The following SEMA5A variants were observed in gnomAD, a reference collection of about 807,000 sequenced individuals.
The protein encoded by SEMA5A is semaphorin-5A.
Under a neutral mutation model 135.5 loss-of-function variants are expected in SEMA5A, and 55 were observed. That is an observed-to-expected ratio of 0.41 (90% CI 0.33 to 0.51). The LOEUF is 0.51. SEMA5A is among the 20% of genes least tolerant of loss of function. SEMA5A has a pLI of 0.37. For missense variants in SEMA5A, 1,290 were observed against 1,419.9 expected, an observed-to-expected ratio of 0.91 and a Z score of 1.47; for synonymous variants, 580 against 546.5, an observed-to-expected ratio of 1.06 and a Z score of -0.85.
chr5:9,195,672 A>G (rs1214164714), intron 10 of SEMA5A, among the ~76,000 whole-genome samples: 3 of 152,260 alleles, frequency 2.0e-5, no homozygotes, highest in Non-Finnish European at 4.4e-5. Context: ...GCACATGGAA[A>G]GATGACATGT....
chr5:9,201,749 CG>C (rs1745715660), intron 9 of SEMA5A, among the ~76,000 whole-genome samples: 2 of 152,190 alleles, frequency 1.3e-5, no homozygotes, highest in South Asian at 4.2e-4. Context: ...CTTGATTTGG[CG>C]TATTTTTCCT....
At chr5:9,194,744 G>A (rs1240722336) in intron 10 of SEMA5A, among the ~76,000 whole-genome samples, 1 of 152,192 alleles carries the variant, frequency 6.6e-6, no homozygotes, top group Admixed American at 6.5e-5. Flanking sequence ...CAAGCTTCCT[G>A]CCTGAAACGC....
At chr5:9,433,063 G>T (rs1324111820) in intron 2 of SEMA5A, among the ~76,000 whole-genome samples, 4 of 152,168 alleles carry the variant, frequency 2.6e-5, no homozygotes, top group African/African-American at 4.8e-5. Flanking sequence ...GAAAGGAGAA[G>T]TGTGTTTCTG....
intron 1 of SEMA5A, among the ~76,000 whole-genome samples, chr5:9,443,392 C>T (rs1758311436): frequency 6.6e-6 from 1 of 152,146 alleles, no homozygotes; most frequent in African/African-American, 2.4e-5. Context: ...GGAAGAAAAA[C>T]ACCCTAGAAG....
chr5:9,208,226 T>G (rs1746153500), intron 8 of SEMA5A, among the ~76,000 whole-genome samples: 1 of 151,738 alleles, frequency 6.6e-6, no homozygotes. Context: ...GTATCAGTAA[T>G]TAATAAGATA....
chr5:9,384,933 A>G (rs3026305), intron 2 of SEMA5A, among the ~76,000 whole-genome samples: 1 of 152,234 alleles, frequency 6.6e-6, no homozygotes, highest in African/African-American at 2.4e-5. Context: ...TATGTGCTAC[A>G]TTTGGGAAAT....
At chr5:9,237,650 G>A (rs1334308867) in intron 6 of SEMA5A, 178 bp downstream of exon 6, 9 of 429,602 alleles carry the variant, frequency 2.1e-5, no homozygotes, top group Admixed American at 2.0e-4. Flanking sequence ...TTGATTGCTG[G>A]GGTTAATTTT....
chr5:9,095,576 CA>C (rs901764843), intron 16 of SEMA5A, among the ~76,000 whole-genome samples: 20 of 152,264 alleles, frequency 1.3e-4, no homozygotes, highest in Admixed American at 2.6e-4. Flanking sequence ...AATAATTTTT[CA>C]CACTCCAACA....
intron 2 of SEMA5A, among the ~76,000 whole-genome samples, chr5:9,386,253 C>A (rs1023232049): frequency 1.3e-5 from 2 of 152,134 alleles, no homozygotes; most frequent in African/African-American, 4.8e-5. Context: ...AACAAACCAA[C>A]CCCGAAGCCA....
chr5:9,082,109 C>A (rs1444788902), intron 16 of SEMA5A, among the ~76,000 whole-genome samples: 1 of 152,150 alleles, frequency 6.6e-6, no homozygotes, highest in Non-Finnish European at 1.5e-5. Flanking sequence ...TGGAATCAAA[C>A]AAGTTCTCAA....
At chr5:9,218,794 C>A (rs569343247) in intron 8 of SEMA5A, among the ~76,000 whole-genome samples, 1 of 152,310 alleles carries the variant, frequency 6.6e-6, no homozygotes, top group African/African-American at 2.4e-5. Flanking sequence ...TTGAATGTGC[C>A]AGTAAAGATG....
chr5:9,407,483 T>C (rs145346523), intron 2 of SEMA5A, among the ~76,000 whole-genome samples: 1 of 152,304 alleles, frequency 6.6e-6, no homozygotes, highest in East Asian at 1.9e-4. Flanking sequence ...GTTTGGTAAA[T>C]GAAGTGAACA....
intron 1 of SEMA5A, chr5:9,517,350 T>C (rs998748978): frequency 2.8e-4 from 43 of 152,218 alleles, no homozygotes; most frequent in African/African-American, 1.0e-3. Context: ...GCTCTGAAAG[T>C]GCATGTGGCA....
chr5:9,044,624 A>G (rs1224920541), intron 21 of SEMA5A, 40 bp from the exon 22 acceptor site: 1 of 1,542,516 alleles, frequency 6.5e-7, no homozygotes, highest in African/African-American at 1.4e-5. Context: ...ACTTGAAAAG[A>G]ACATCCTGCC....
rs67762219 is a variant in SEMA5A, at chr5:9,109,028, A to ATTTTTTTTTTTT, written c.1926-753_1926-742dup. 5.6e-4 allele frequency among the ~76,000 whole-genome samples: 52 copies of ATTTTTTTTTTTT among 92,440 alleles called. 3 individuals are homozygous for ATTTTTTTTTTTT. The highest frequency in any genetic ancestry group is 9.2e-4 in the African/African-American group (20 of 21,754). 60.6% of individuals were successfully genotyped at this position (92,440 alleles called of 152,430 possible). A position where few individuals can be genotyped will look rare whatever the true frequency, so the allele number is the denominator to read the frequency against. ...TCATGAGTCATATTATTTCTCTTCA[A>ATTTTTTTTTTTT]TTTTTTTTTTTTTTTTTTTTTTTTT... On this transcript the variant is annotated intron_variant, in intron 15 of 22. Transcript: ENST00000382496.
chr5:9,509,837 C>T (rs1046475020), intron 1 of SEMA5A, among the ~76,000 whole-genome samples: 8 of 152,096 alleles, frequency 5.3e-5, no homozygotes, highest in African/African-American at 1.9e-4. Flanking sequence ...CATATGCCAC[C>T]CCCTCTTCTA....
chr5:9,311,867 T>C (rs902259378), intron 5 of SEMA5A, among the ~76,000 whole-genome samples: 1 of 152,160 alleles, frequency 6.6e-6, no homozygotes, highest in African/African-American at 2.4e-5. Context: ...TTAGAAACCA[T>C]AGAGAGGCAG....
rs753154714 is a variant in SEMA5A at position 9,224,752 on chromosome 5, G to A, written c.568C>T (p.Arg190Cys). 21 of 1,614,122 alleles carry A rather than the reference G, an allele frequency of 1.3e-5. No homozygotes were observed. The highest frequency in any genetic ancestry group is 1.7e-5 in the Admixed American group (1 of 60,018). ...YAATAMDFPG[R>C]DPAIYRSLGI... Reference sequence around the variant, plus strand: ...AGGCTTCGGTAAATGGCAGGATCACGTCCTGGAAAATCCATGGCTGTAGCA... The same window carrying A: ...AGGCTTCGGTAAATGGCAGGATCACATCCTGGAAAATCCATGGCTGTAGCA... Residue 190 changes from arginine to cysteine, a missense_variant, in exon 8 of 23, where the codon CGT becomes TGT. Arg to Cys is a radical substitution (Grantham distance 180, BLOSUM62 -3). Around this residue, in one of 3 missense-constraint regions of SEMA5A, gnomAD observed 145 missense variants for 212.0 expected, o/e 0.68. Coordinates refer to ENST00000382496, the MANE Select transcript of SEMA5A (RefSeq NM_003966.3).
At chr5:9,535,365 C>G (rs1042680277) in intron 1 of SEMA5A, among the ~76,000 whole-genome samples, 1 of 152,134 alleles carries the variant, frequency 6.6e-6, no homozygotes, top group African/African-American at 2.4e-5. Context: ...CCAGGCCTGA[C>G]TTTCGGAGTC....
Sources: allele counts gnomAD v4.1 joint callset (sites outside exome capture counted in the v4.1 genomes callset), GRCh38; gene constraint gnomAD v4.1.1; regional missense constraint gnomAD v4.1.1; transcripts MANE v1.5; gene names NCBI Gene and HGNC (gene_info 2026-07-23, HGNC 2026-07-21).